DPP10: variants seen among roughly 807,000 people sequenced by gnomAD.
The protein encoded by DPP10 is inactive dipeptidyl peptidase 10.
In DPP10, 33 loss-of-function variants were observed where a neutral mutation model predicts 120.9. The observed-to-expected ratio is 0.27, with a 90% CI of 0.21 to 0.37. DPP10 has a LOEUF of 0.37. Among genes scored for constraint, DPP10 ranks in the 10% least tolerant of loss-of-function variants. The pLI is 1.00. For missense variants in DPP10, 816 were observed against 942.8 expected (o/e 0.87, Z 1.76); for synonymous variants, 337 against 326.1 (o/e 1.03, Z -0.36).
intron 1 of DPP10, among the ~76,000 whole-genome samples, chr2:114,919,197 T>A (rs1695022965): frequency 6.6e-6 from 1 of 152,082 alleles, no homozygotes; most frequent in Non-Finnish European, 1.5e-5. Flanking sequence ...TCAACTTAAG[T>A]GTAAAATATA....
chr2:115,701,592 T>C (rs1401804980), intron 7 of DPP10, among the ~76,000 whole-genome samples: 3 of 152,066 alleles, frequency 2.0e-5, no homozygotes, highest in Non-Finnish European at 4.4e-5. Context: ...AAATTAAAAA[T>C]TGACAAATTA....
intron 1 of DPP10, among the ~76,000 whole-genome samples, chr2:114,753,770 G>A (rs775036793): frequency 6.6e-6 from 1 of 151,742 alleles, no homozygotes; most frequent in Non-Finnish European, 1.5e-5. Context: ...TTAGCCAGGC[G>A]TGGTGGCGGG....
intron 1 of DPP10, among the ~76,000 whole-genome samples, chr2:115,294,587 A>G (rs559604087): frequency 6.6e-6 from 1 of 152,156 alleles, no homozygotes; most frequent in South Asian, 2.1e-4. Flanking sequence ...TCTTAAATTT[A>G]TCTTCAAAAA....
intron 1 of DPP10, among the ~76,000 whole-genome samples, chr2:115,301,861 A>C (rs758900847): frequency 6.6e-6 from 1 of 152,052 alleles, no homozygotes; most frequent in African/African-American, 2.4e-5. Flanking sequence ...CTAACACCAC[A>C]CAATATATTA....
chr2:115,590,061 C>T (rs1431092689), intron 5 of DPP10, among the ~76,000 whole-genome samples: 1 of 151,164 alleles, frequency 6.6e-6, no homozygotes, highest in Non-Finnish European at 1.5e-5. Flanking sequence ...ATTGGTTAGC[C>T]AAAGGAGCAG....
At chr2:114,648,838 A>G (rs17043317) in intron 1 of DPP10, among the ~76,000 whole-genome samples, 2,024 of 152,298 alleles carry the variant, frequency 0.013, 45 homozygotes, top group African/African-American at 0.046. Flanking sequence ...ATTTTTGATG[A>G]TAGTGAAGCC....
chr2:114,683,250 GT>G (rs1416224674), intron 1 of DPP10, among the ~76,000 whole-genome samples: 2 of 151,814 alleles, frequency 1.3e-5, no homozygotes, highest in African/African-American at 2.4e-5. Flanking sequence ...CTCCCATTTA[GT>G]TTTTTTCTTT....
At chr2:115,827,999 A>G (rs1187826355) in intron 21 of DPP10, among the ~76,000 whole-genome samples, 1 of 152,110 alleles carries the variant, frequency 6.6e-6, no homozygotes, top group East Asian at 1.9e-4. Flanking sequence ...CTTTGTGTAG[A>G]TACAGATTTC....
intron 1 of DPP10, among the ~76,000 whole-genome samples, chr2:114,581,145 A>G (rs181031934): frequency 1.1e-3 from 170 of 149,916 alleles, no homozygotes; most frequent in African/African-American, 3.9e-3. Context: ...TCATAGAAAT[A>G]TAAAACATCA....
chr2:115,749,181 A>C (rs1242889195), intron 10 of DPP10, among the ~76,000 whole-genome samples: 2 of 152,146 alleles, frequency 1.3e-5, no homozygotes, highest in African/African-American at 4.8e-5. Context: ...TTTATTAGAA[A>C]ATTTAAGTGT....
At chr2:115,467,909 A>G (rs2074431686) in intron 3 of DPP10, 1 of 207,496 alleles carries the variant, frequency 4.8e-6, no homozygotes, top group Non-Finnish European at 9.7e-6. Flanking sequence ...GTTTTGCTAA[A>G]TATATGTTAA....
At chr2:114,956,965 A>T (rs1448320380) in intron 1 of DPP10, among the ~76,000 whole-genome samples, 1 of 148,976 alleles carries the variant, frequency 6.7e-6, no homozygotes, top group Non-Finnish European at 1.5e-5. Context: ...TACATGTAAG[A>T]CCTAAAACTC....
At chr2:115,023,297 A>G (rs895375389) in intron 1 of DPP10, among the ~76,000 whole-genome samples, 1 of 151,848 alleles carries the variant, frequency 6.6e-6, no homozygotes, top group African/African-American at 2.4e-5. Context: ...CAAATCATCA[A>G]GAAAAGAAAC....
intron 3 of DPP10, among the ~76,000 whole-genome samples, chr2:115,391,193 T>C (rs1391472435): frequency 6.6e-6 from 1 of 152,182 alleles, no homozygotes; most frequent in African/African-American, 2.4e-5. Context: ...TACTTGAACA[T>C]ATTTAACTAA....
intron 1 of DPP10, among the ~76,000 whole-genome samples, chr2:114,959,639 A>G (rs1403162528): frequency 1.3e-5 from 2 of 152,186 alleles, no homozygotes; most frequent in African/African-American, 4.8e-5. Flanking sequence ...TAACATGTTA[A>G]GGAACCGCCA....
At chr2:114,470,990 A>C (rs1679859339) in intron 1 of DPP10, among the ~76,000 whole-genome samples, 1 of 152,176 alleles carries the variant, frequency 6.6e-6, no homozygotes, top group East Asian at 1.9e-4. Flanking sequence ...CCTCTCAACA[A>C]ATAGTTGTTT....
intron 1 of DPP10, among the ~76,000 whole-genome samples, chr2:114,931,277 T>G (rs375168386): frequency 7.2e-5 from 11 of 152,172 alleles, no homozygotes; most frequent in African/African-American, 2.7e-4. Flanking sequence ...GTATGGTACA[T>G]TGTTCCACTG....
At chr2:114,833,887 A>T (rs184412832) in intron 1 of DPP10, 7 of 152,246 alleles carry the variant, frequency 4.6e-5, no homozygotes, top group Admixed American at 3.3e-4. Context: ...AGGCACAGGC[A>T]AGAATTTGGA....
At chr2:115,309,121 G>T in intron 1 of DPP10, 118 bp from the exon 2 acceptor site, 1 of 731,790 alleles carries the variant, frequency 1.4e-6, no homozygotes, top group Non-Finnish European at 2.3e-6. Context: ...TACTGAAGAG[G>T]AAATGGATTC....
Sources: gnomAD v4.1 joint callset for allele counts (sites outside exome capture counted in the v4.1 genomes callset) on GRCh38, gnomAD v4.1.1 for gene constraint, MANE v1.5 for transcripts, NCBI Gene and HGNC (gene_info 2026-07-23, HGNC 2026-07-21) for gene names.